POLD3: variants seen among roughly 807,000 people sequenced by gnomAD.
POLD3 encodes DNA polymerase delta subunit 3.
POLD3 carries 19 observed loss-of-function variants against 58.2 expected under a neutral mutation model. That is an observed-to-expected ratio of 0.33 (90% CI 0.23 to 0.48). POLD3 has a LOEUF of 0.48. POLD3 is among the 20% of genes least tolerant of loss of function. POLD3 has a pLI of 0.99. For missense variants in POLD3, 504 were observed against 545.5 expected, an observed-to-expected ratio of 0.92 and a Z score of 0.76; for synonymous variants, 172 against 193.5, an observed-to-expected ratio of 0.89 and a Z score of 0.92.
chr11:74,624,082 G>T (rs998129007), intron 7 of POLD3, among the ~76,000 whole-genome samples: 1 of 152,122 alleles, frequency 6.6e-6, no homozygotes, highest in African/African-American at 2.4e-5. Flanking sequence ...TTCTCCTAAT[G>T]ATGCAATTTT....
At chr11:74,649,457 C>T (rs2135192390) in intron 4 of POLD3, among the ~76,000 whole-genome samples, 1 of 152,234 alleles carries the variant, frequency 6.6e-6, no homozygotes, top group Admixed American at 6.5e-5. Flanking sequence ...GTGTTGTAAA[C>T]ATTCTTGCAT....
downstream of POLD3, among the ~76,000 whole-genome samples, chr11:74,647,320 A>T (rs974329947): frequency 3.9e-5 from 6 of 152,208 alleles, no homozygotes; most frequent in African/African-American, 1.4e-4. Flanking sequence ...ATAAAACCTG[A>T]TAGGAGTGTT....
chr11:74,602,401 C>T (rs2031532780), intron 2 of POLD3, among the ~76,000 whole-genome samples: 1 of 152,194 alleles, frequency 6.6e-6, no homozygotes, highest in African/African-American at 2.4e-5. Context: ...GCTTTTCCCC[C>T]ATCTCAGTGA....
At chr11:74,594,990 T>C (rs2031177693) in intron 2 of POLD3, among the ~76,000 whole-genome samples, 1 of 152,160 alleles carries the variant, frequency 6.6e-6, no homozygotes, top group African/African-American at 2.4e-5. Flanking sequence ...CAAACTAGGA[T>C]TGGAATTGCT....
chr11:74,606,936 T>G (rs1032075038), intron 3 of POLD3, among the ~76,000 whole-genome samples: 9 of 152,084 alleles, frequency 5.9e-5, no homozygotes, highest in Non-Finnish European at 1.2e-4. Context: ...TATATAAAAT[T>G]TATTAAGAGT....
At chr11:74,626,328 A>G (rs1451952557) in intron 8 of POLD3, among the ~76,000 whole-genome samples, 7 of 152,218 alleles carry the variant, frequency 4.6e-5, no homozygotes, top group African/African-American at 1.7e-4. Flanking sequence ...ACTTATTGCC[A>G]GCAGTGCATT....
intron 4 of POLD3, among the ~76,000 whole-genome samples, chr11:74,651,154 C>T (rs1170511036): frequency 2.0e-5 from 3 of 152,186 alleles, no homozygotes; most frequent in Non-Finnish European, 2.9e-5. Flanking sequence ...TAGGAAGTCA[C>T]GGACTGTCTA....
intron 3 of POLD3, among the ~76,000 whole-genome samples, chr11:74,611,010 G>C (rs991148088): frequency 2.0e-5 from 3 of 152,030 alleles, no homozygotes; most frequent in Non-Finnish European, 4.4e-5. Context: ...CCTGACCTCA[G>C]GTGATCCACC....
In POLD3 at chr11:74,641,975, A is replaced by C. The variant is rs1014093209; in HGVS notation, c.*1209A>C. ...TTCCATTATGGCTGGACAGGCGGTG[A>C]GCTCAGTGGATTGCAGTGGTGTGCT... On this transcript the variant is annotated 3_prime_UTR_variant, in exon 12 of 12. Coordinates refer to ENST00000263681, the MANE Select transcript of POLD3 (RefSeq NM_006591.3). 2 of 985,326 alleles carry C rather than the reference A, an allele frequency of 2.0e-6. No individual in the cohort carries two copies. The highest frequency in any genetic ancestry group is 2.3e-4 in the East Asian group (2 of 8,830). 61.0% of individuals were successfully genotyped at this position (985,326 alleles called of 1,614,324 possible).
chr11:74,638,748 T>C (rs2032828674), intron 11 of POLD3: 4 of 448,060 alleles, frequency 8.9e-6, no homozygotes, highest in Non-Finnish European at 1.3e-5. Flanking sequence ...TGTGCATTAC[T>C]TGAAGATCTT....
At chr11:74,664,616 G>A (rs756630149) in intron 4 of POLD3, among the ~76,000 whole-genome samples, 2 of 150,436 alleles carry the variant, frequency 1.3e-5, no homozygotes, top group African/African-American at 2.5e-5. Flanking sequence ...TATTCCTAAT[G>A]AATATGGATG....
chr11:74,654,010 G>A (rs2033101230), intron 4 of POLD3, among the ~76,000 whole-genome samples: 1 of 152,006 alleles, frequency 6.6e-6, no homozygotes, highest in South Asian at 2.1e-4. Context: ...GAAGGGGAGG[G>A]GAGATGCCAC....
intron 9 of POLD3, among the ~76,000 whole-genome samples, chr11:74,632,245 G>T (rs1371103847): frequency 2.0e-5 from 3 of 152,166 alleles, no homozygotes; most frequent in African/African-American, 7.2e-5. Context: ...CTCTGCCAGA[G>T]AACTCTTTGA....
At position 74,612,942 on chromosome 11, in the gene POLD3, A is replaced by G. The variant is rs148528530; in HGVS notation, c.324A>G (p.Leu108=). The part of the protein sequence containing the change: ...IHVYSIQKAM[L]KDSGPLFNTD... The stretch of plus-strand genomic sequence containing the variant: ...TGTACAGCATCCAGAAAGCCATGCT[A>G]AAGGACAGTGGGCCTCTGTTCAATA... The change falls in exon 5 of 12, where the codon CTA becomes CTG. Residue 108 remains leucine (L), a synonymous_variant. Transcript: ENST00000263681. The G allele has an allele frequency of 1.4e-5, 22 of 1,613,722 alleles. No individual in the cohort carries two copies. Among genetic ancestry groups the G allele is most frequent in the African/African-American group, 4.0e-5 (3 of 74,922 alleles).
chr11:74,600,990 AT>A (rs2031475429), intron 2 of POLD3, among the ~76,000 whole-genome samples: 1 of 152,152 alleles, frequency 6.6e-6, no homozygotes, highest in Non-Finnish European at 1.5e-5. Context: ...AAGTGCTGGG[AT>A]TACAGGTGTG....
intron 4 of POLD3, among the ~76,000 whole-genome samples, chr11:74,665,673 T>G (rs1382801943): frequency 2.0e-5 from 3 of 152,028 alleles, no homozygotes; most frequent in African/African-American, 7.2e-5. Context: ...GCACTGGGAT[T>G]ACAGGCATGA....
At chr11:74,604,255 C>G (rs544795702) in intron 2 of POLD3, among the ~76,000 whole-genome samples, 1 of 152,276 alleles carries the variant, frequency 6.6e-6, no homozygotes, top group Admixed American at 6.5e-5. Flanking sequence ...CCACCTGAAT[C>G]CCAGGTTAAA....
At chr11:74,604,009 A>C (rs1201750888) in intron 2 of POLD3, among the ~76,000 whole-genome samples, 2 of 152,248 alleles carry the variant, frequency 1.3e-5, no homozygotes, top group Non-Finnish European at 2.9e-5. Flanking sequence ...TTAATGAATT[A>C]TTCTGAATAC....
At chr11:74,619,911 A>C in intron 6 of POLD3, 106 bp from the exon 7 acceptor site, 1 of 835,322 alleles carries the variant, frequency 1.2e-6, no homozygotes, top group Non-Finnish European at 2.1e-6. Flanking sequence ...TTATATAGAG[A>C]CTATACCATC....
Sources: gnomAD v4.1 joint callset for allele counts (sites outside exome capture counted in the v4.1 genomes callset) on GRCh38, gnomAD v4.1.1 for gene constraint, MANE v1.5 for transcripts, NCBI Gene and HGNC (gene_info 2026-07-23, HGNC 2026-07-21) for gene names.